Variants in RBFOX1 observed in about 807,000 individuals in gnomAD.
RBFOX1 encodes the protein RNA binding fox-1 homolog 1, also known as RNA binding protein fox-1 homolog 1.
In RBFOX1, 8 loss-of-function variants were observed where a neutral mutation model predicts 57.7. The ratio of observed to expected loss-of-function variants is 0.14; its 90% CI spans 0.08 to 0.25. RBFOX1 has a LOEUF of 0.25. Among genes scored for constraint, RBFOX1 ranks in the 10% least tolerant of loss-of-function variants. The pLI, the probability that RBFOX1 is intolerant of heterozygous loss-of-function variation, is 1.00. For missense variants in RBFOX1, 611 were observed against 548.5 expected, an observed-to-expected ratio of 1.11 and a Z score of -1.14; for synonymous variants, 326 against 222.4, an observed-to-expected ratio of 1.47 and a Z score of -4.15.
intron 3 of RBFOX1, among the ~76,000 whole-genome samples, chr16:5,834,055 C>G (rs1042736020): frequency 6.6e-6 from 1 of 152,198 alleles, no homozygotes; most frequent in Non-Finnish European, 1.5e-5. Flanking sequence ...TGGCACCAAA[C>G]CACTGCTCAC....
chr16:7,011,519 T>TTGTTG (rs1013419854), intron 3 of RBFOX1, among the ~76,000 whole-genome samples: 27 of 151,788 alleles, frequency 1.8e-4, no homozygotes, highest in African/African-American at 6.1e-4. Context: ...TTGTTTTGTT[T>TTGTTG]TGTTTGTTTT....
intron 4 of RBFOX1, among the ~76,000 whole-genome samples, chr16:7,280,852 T>G (rs1252174657): frequency 6.6e-6 from 1 of 152,020 alleles, no homozygotes; most frequent in East Asian, 1.9e-4. Flanking sequence ...ACCCACTGCT[T>G]GAGAACCGCT....
At chr16:5,559,377 G>T (rs796158041) in intron 2 of RBFOX1, among the ~76,000 whole-genome samples, 1 of 152,104 alleles carries the variant, frequency 6.6e-6, no homozygotes, top group African/African-American at 2.4e-5. Flanking sequence ...ATCTGGTGTG[G>T]CTGTGATCCT....
chr16:6,303,279 G>C (rs1157491087), intron 1 of RBFOX1, among the ~76,000 whole-genome samples: 1 of 151,844 alleles, frequency 6.6e-6, no homozygotes, highest in Non-Finnish European at 1.5e-5. Flanking sequence ...CATCTTCCCG[G>C]GTCTGAATTA....
intron 3 of RBFOX1, among the ~76,000 whole-genome samples, chr16:6,796,881 C>T (rs573843246): frequency 1.3e-5 from 2 of 152,098 alleles, no homozygotes; most frequent in Non-Finnish European, 1.5e-5. Flanking sequence ...TTGTCTTGTT[C>T]TTTGTTAAAT....
chr16:6,651,206 A>G (rs1382607005), intron 2 of RBFOX1, among the ~76,000 whole-genome samples: 5 of 152,004 alleles, frequency 3.3e-5, no homozygotes, highest in African/African-American at 1.2e-4. Flanking sequence ...CCGGCCTGGA[A>G]CCCCTAATGT....
chr16:6,815,886 A>G (rs2089959458), intron 3 of RBFOX1, among the ~76,000 whole-genome samples: 2 of 152,244 alleles, frequency 1.3e-5, no homozygotes, highest in Non-Finnish European at 2.9e-5. Flanking sequence ...TATAATTTAA[A>G]AAATAATTTA....
chr16:6,056,841 A>AGT (rs2095620289), intron 1 of RBFOX1: 1 of 39,376 alleles, frequency 2.5e-5, no homozygotes, highest in Non-Finnish European at 4.6e-5. Flanking sequence ...AAGACTTAAG[A>AGT]CTTTTTTTTT....
intron 1 of RBFOX1, among the ~76,000 whole-genome samples, chr16:5,398,582 G>T (rs968444962): frequency 1.3e-5 from 2 of 152,084 alleles, no homozygotes; most frequent in African/African-American, 4.8e-5. Flanking sequence ...GTGTGTGTGT[G>T]TGTGTGTTGG....
chr16:7,145,175 C>T (rs1267943549), intron 4 of RBFOX1, among the ~76,000 whole-genome samples: 2 of 152,000 alleles, frequency 1.3e-5, no homozygotes, highest in Non-Finnish European at 2.9e-5. Flanking sequence ...ATTTCTTTAC[C>T]CCCTACCCTT....
intron 3 of RBFOX1, among the ~76,000 whole-genome samples, chr16:6,737,329 G>C (rs1323449177): frequency 6.6e-6 from 1 of 151,666 alleles, no homozygotes; most frequent in Non-Finnish European, 1.5e-5. Context: ...TTCTTGTTTA[G>C]AAGTATAAAA....
At chr16:6,857,871 A>C (rs143687584) in intron 3 of RBFOX1, among the ~76,000 whole-genome samples, 2 of 152,184 alleles carry the variant, frequency 1.3e-5, no homozygotes, top group African/African-American at 2.4e-5. Flanking sequence ...CCATTTAGCA[A>C]CCTGTCAAAT....
At chr16:5,631,478 A>G (rs903747961) in intron 3 of RBFOX1, among the ~76,000 whole-genome samples, 1 of 151,918 alleles carries the variant, frequency 6.6e-6, no homozygotes. Context: ...AATCTCTTGA[A>G]CCAAGGAGGC....
intron 9 of RBFOX1, among the ~76,000 whole-genome samples, chr16:7,598,167 A>G (rs2094807468): frequency 6.6e-6 from 1 of 152,232 alleles, no homozygotes; most frequent in African/African-American, 2.4e-5. Flanking sequence ...CACTGTGTTA[A>G]TCACATACTT....
At chr16:6,647,037 T>G (rs939351139) in intron 2 of RBFOX1, among the ~76,000 whole-genome samples, 6 of 152,132 alleles carry the variant, frequency 3.9e-5, no homozygotes, top group Non-Finnish European at 8.8e-5. Flanking sequence ...GAACATTTAC[T>G]TTGTCATAGT....
chr16:7,632,419 C>A (rs552303159), intron 11 of RBFOX1, among the ~76,000 whole-genome samples: 99 of 152,238 alleles, frequency 6.5e-4, no homozygotes, highest in African/African-American at 2.2e-3. Context: ...TTTCACATGT[C>A]CAGCCTTGTG....
At chr16:7,563,002 T>C (rs983965946) in intron 5 of RBFOX1, among the ~76,000 whole-genome samples, 1 of 152,174 alleles carries the variant, frequency 6.6e-6, no homozygotes, top group Non-Finnish European at 1.5e-5. Flanking sequence ...GGGATTGCAA[T>C]GCCAGGGCTC....
chr16:5,246,488 G>A (rs2062303590), intron 1 of RBFOX1, among the ~76,000 whole-genome samples: 1 of 151,974 alleles, frequency 6.6e-6, no homozygotes, highest in African/African-American at 2.4e-5. Context: ...TACTCTCTTA[G>A]TGATTTCCAA....
intron 3 of RBFOX1, among the ~76,000 whole-genome samples, chr16:6,742,549 G>C (rs1022377777): frequency 6.6e-6 from 1 of 152,134 alleles, no homozygotes; most frequent in African/African-American, 2.4e-5. Context: ...ATTGTCAGCA[G>C]TTTTATTTCT....
Sources: allele counts gnomAD v4.1 joint callset (sites outside exome capture counted in the v4.1 genomes callset), GRCh38; gene constraint gnomAD v4.1.1; transcripts MANE v1.5; gene names NCBI Gene and HGNC (gene_info 2026-07-23, HGNC 2026-07-21).